Variants in C12orf56 observed in about 807,000 individuals in gnomAD.
The protein encoded by C12orf56 is uncharacterized protein C12orf56.
A neutral mutation model predicts 69.9 loss-of-function variants in C12orf56; 71 were observed. The observed-to-expected ratio is 1.02, with a 90% CI of 0.84 to 1.24. The LOEUF (loss-of-function observed/expected upper bound fraction) is 1.24, where lower values mean the gene tolerates loss of function less well. Among genes scored for constraint, C12orf56 ranks in the 50% most tolerant of loss-of-function variants. The probability of loss-of-function intolerance (pLI) is 0.00; values close to 1 mark genes in which losing one functional copy is unlikely to be tolerated. For missense variants in C12orf56, 732 were observed against 738.5 expected, an observed-to-expected ratio of 0.99 and a Z score of 0.10; for synonymous variants, 276 against 274.1, an observed-to-expected ratio of 1.01 and a Z score of -0.07.
At chr12:64,330,811 C>T (rs1405634759) in intron 3 of C12orf56, 149 bp downstream of exon 3, 4 of 592,042 alleles carry the variant, frequency 6.8e-6, no homozygotes, top group Non-Finnish European at 1.1e-5. Context: ...AAAGTTCTCT[C>T]AAAAATACTT....
chr12:64,279,591 A>G (rs908717616), intron 8 of C12orf56, among the ~76,000 whole-genome samples: 1 of 152,180 alleles, frequency 6.6e-6, no homozygotes, highest in African/African-American at 2.4e-5. Context: ...AGGCTTTCTA[A>G]TCTTCTTAGA....
At position 64,304,114 on chromosome 12, in the gene C12orf56, CT is replaced by C. The variant is rs559048782; in HGVS notation, c.969-336del. On this transcript the variant is annotated intron_variant, in intron 5 of 12. Coordinates refer to ENST00000543942, the MANE Select transcript of C12orf56 (RefSeq NM_001170633.2). ...TAATATTTTTCTTTCAATCAACTAG[CT>C]TTTTTTTTTAAGAAGTTTATAAAGA... 4.9e-4 allele frequency among the ~76,000 whole-genome samples: 73 copies of C among 148,794 alleles called. No individual in the cohort carries two copies. In the East Asian group the frequency reaches 9.8e-3, roughly 20 times the overall value.
At chr12:64,327,481 T>A (rs1457155010) in intron 3 of C12orf56, among the ~76,000 whole-genome samples, 1 of 152,160 alleles carries the variant, frequency 6.6e-6, no homozygotes, top group Non-Finnish European at 1.5e-5. Flanking sequence ...ATAAAATTTT[T>A]AAAAAAGAAA....
chr12:64,332,999 A>G (rs1039261784), intron 2 of C12orf56, among the ~76,000 whole-genome samples: 3 of 152,228 alleles, frequency 2.0e-5, no homozygotes, highest in African/African-American at 4.8e-5. Context: ...TAAGACCCCA[A>G]TCATCACAAT....
At chr12:64,307,850 A>AT (rs1445464604) in intron 5 of C12orf56, among the ~76,000 whole-genome samples, 19 of 151,382 alleles carry the variant, frequency 1.3e-4, no homozygotes, top group African/African-American at 4.1e-4. Flanking sequence ...AAATAAATAA[A>AT]TAAATTAATT....
intron 1 of C12orf56, among the ~76,000 whole-genome samples, chr12:64,368,810 G>C (rs1168672440): frequency 3.9e-5 from 6 of 152,150 alleles, no homozygotes; most frequent in Non-Finnish European, 8.8e-5. Context: ...CTACTAACTA[G>C]CAGTGTGACT....
At chr12:64,299,392 C>T (rs544059188) in intron 6 of C12orf56, among the ~76,000 whole-genome samples, 2 of 152,180 alleles carry the variant, frequency 1.3e-5, no homozygotes, top group Admixed American at 1.3e-4. Context: ...TCACTTTGGC[C>T]TTTCATTTTT....
At chr12:64,384,943 A>G (rs1252187137) in intron 1 of C12orf56, among the ~76,000 whole-genome samples, 1 of 151,632 alleles carries the variant, frequency 6.6e-6, no homozygotes, top group Non-Finnish European at 1.5e-5. Flanking sequence ...AATCCCAGCT[A>G]CCCGAGAGGC....
intron 1 of C12orf56, among the ~76,000 whole-genome samples, chr12:64,365,813 A>G (rs1387088545): frequency 7.1e-6 from 1 of 140,422 alleles, no homozygotes; most frequent in Non-Finnish European, 1.5e-5. Context: ...TATAATATAT[A>G]GTGTATATAT....
At chr12:64,295,715 C>T (rs2038356502) in intron 6 of C12orf56, among the ~76,000 whole-genome samples, 1 of 150,828 alleles carries the variant, frequency 6.6e-6, no homozygotes, top group Non-Finnish European at 1.5e-5. Context: ...ATTTTACCTT[C>T]AAGAAAATTA....
intron 2 of C12orf56, among the ~76,000 whole-genome samples, chr12:64,352,109 T>TTTTTG (rs2039233140): frequency 8.7e-6 from 1 of 115,506 alleles, no homozygotes; most frequent in African/African-American, 3.2e-5. Context: ...GTTTTTTTTT[T>TTTTTG]TTTTTTGTTT....
intron 8 of C12orf56, among the ~76,000 whole-genome samples, chr12:64,279,738 C>G (rs919934844): frequency 6.6e-6 from 1 of 152,148 alleles, no homozygotes; most frequent in African/African-American, 2.4e-5. Context: ...TCAGTTAGTA[C>G]ATTTCTCACA....
intron 3 of C12orf56, among the ~76,000 whole-genome samples, chr12:64,325,475 C>A (rs17763684): frequency 0.45 from 68,042 of 151,974 alleles, 15,599 homozygotes; most frequent in African/African-American, 0.54. Context: ...AACTTTACAC[C>A]GAAGGACTAC....
At chr12:64,307,852 A>AAATT (rs998876863) in intron 5 of C12orf56, among the ~76,000 whole-genome samples, 8 of 148,022 alleles carry the variant, frequency 5.4e-5, no homozygotes, top group African/African-American at 1.2e-4. Flanking sequence ...ATAAATAAAT[A>AAATT]AATTAATTAA....
intron 5 of C12orf56, among the ~76,000 whole-genome samples, chr12:64,306,649 G>A (rs528732312): frequency 3.9e-5 from 6 of 152,206 alleles, no homozygotes; most frequent in East Asian, 1.9e-4. Flanking sequence ...GATTACAGGC[G>A]TGAGCCACTA....
chr12:64,342,283 C>G (rs1020744245), intron 2 of C12orf56, among the ~76,000 whole-genome samples: 1 of 152,230 alleles, frequency 6.6e-6, no homozygotes, highest in Non-Finnish European at 1.5e-5. Flanking sequence ...CCATGCAAAG[C>G]GCACATCCAG....
At position 64,265,831 on chromosome 12, in the gene C12orf56, A is replaced by G. The variant is rs1014699667; in HGVS notation, c.*1352T>C. The G allele has an allele frequency of 6.6e-6, 1 of 152,200 alleles. No individual in the cohort carries two copies. The highest frequency in any genetic ancestry group is 1.5e-5 in the Non-Finnish European group (1 of 68,044). The allele number at this position is 152,200 out of a possible 1,614,324, so 9.4% of individuals were successfully genotyped here. ...CCTCACGGTGATGCCAAAGTTAAGT[A>G]TTTGTGGAATTAAATTAGTTTATGG... On this transcript the variant is annotated 3_prime_UTR_variant, in exon 13 of 13. Transcript: ENST00000543942.
chr12:64,273,297 CA>C (rs201066197), intron 11 of C12orf56, among the ~76,000 whole-genome samples: 218 of 139,876 alleles, frequency 1.6e-3, no homozygotes, highest in African/African-American at 4.7e-3. Flanking sequence ...GACTCTGTCT[CA>C]AAAAAAAAAA....
At chr12:64,271,674 A>T (rs1282548797) in intron 11 of C12orf56, among the ~76,000 whole-genome samples, 1 of 152,180 alleles carries the variant, frequency 6.6e-6, no homozygotes, top group Admixed American at 6.6e-5. Flanking sequence ...ATTCCAGACC[A>T]TTTACATGTG....
Sources: allele counts gnomAD v4.1 joint callset (sites outside exome capture counted in the v4.1 genomes callset), GRCh38; gene constraint gnomAD v4.1.1; transcripts MANE v1.5; gene names NCBI Gene and HGNC (gene_info 2026-07-23, HGNC 2026-07-21).